Variants in SPATA22 observed in about 807,000 individuals in gnomAD.
SPATA22 encodes spermatogenesis-associated protein 22.
Under a neutral mutation model 47.8 loss-of-function variants are expected in SPATA22, and 29 were observed. That is an observed-to-expected ratio of 0.61 (90% CI 0.45 to 0.83). The LOEUF is 0.83. Among genes scored for constraint, SPATA22 ranks in the 40% least tolerant of loss-of-function variants. The pLI, the probability that SPATA22 is intolerant of heterozygous loss-of-function variation, is 0.00. For synonymous variants in SPATA22, 133 were observed against 140.9 expected (o/e 0.94, Z 0.40); for missense variants, 410 against 421.7 (o/e 0.97, Z 0.24).
At chr17:3,455,143 G>T (rs1429946617) in intron 5 of SPATA22, among the ~76,000 whole-genome samples, 3 of 130,456 alleles carry the variant, frequency 2.3e-5, no homozygotes, top group African/African-American at 7.4e-5. Context: ...TTTTTGATGG[G>T]GTTTTTTTTT....
At chr17:3,481,941 G>T (rs2073638844) in intron 1 of SPATA22, 2 of 767,050 alleles carry the variant, frequency 2.6e-6, no homozygotes, top group Non-Finnish European at 4.2e-6. Flanking sequence ...TGGTGGTTGG[G>T]GGGAAAGGGT....
rs76093397 is a variant in SPATA22 at position 3,453,370 on chromosome 17, C to T, written c.330-4221G>A. Among the ~76,000 whole-genome samples the T allele has an allele frequency of 1.4e-4, 21 of 152,142 alleles. No homozygotes were observed. The East Asian group carries it at 4.1e-3, about 29-fold the overall frequency. On this transcript the variant is annotated intron_variant, in intron 5 of 8. Coordinates refer to ENST00000572969, the MANE Select transcript of SPATA22 (RefSeq NM_001170698.2). ...GGATGCAAGGTTGGTTTAACATACGCAAATCAATCAATGTTATACACCACA... is the reference window on the plus strand; with the variant it reads ...GGATGCAAGGTTGGTTTAACATACGTAAATCAATCAATGTTATACACCACA...
intron 1 of SPATA22, chr17:3,499,096 T>C: frequency 6.2e-7 from 1 of 1,612,696 alleles, no homozygotes; most frequent in Non-Finnish European, 8.5e-7. Flanking sequence ...TAGAAATCAC[T>C]TCCAGCTTAC....
In SPATA22 at chr17:3,460,079, C is replaced by T. The variant is rs150000008; in HGVS notation, c.329+2404G>A. On this transcript the variant is annotated intron_variant, in intron 5 of 8. Transcript: ENST00000572969. ...ATTCTAAGTATTCCACACACAAGCA[C>T]GTTAGATAAATTCATGTATTTGTAA... is the stretch of plus-strand genomic sequence containing the variant. 6.3e-3 allele frequency among the ~76,000 whole-genome samples: 958 copies of T among 152,224 alleles called. 11 individuals carry two copies. Among genetic ancestry groups the T allele is most frequent in the African/African-American group, 0.021 (879 of 41,542 alleles).
At chr17:3,512,916 A>C (rs992824360) in intron 1 of SPATA22, 7 of 152,126 alleles carry the variant, frequency 4.6e-5, no homozygotes, top group African/African-American at 9.7e-5. Context: ...TTCCAAGATG[A>C]TATCGATCGA....
chr17:3,459,705 G>A (rs2073083768), intron 5 of SPATA22, among the ~76,000 whole-genome samples: 1 of 152,134 alleles, frequency 6.6e-6, no homozygotes, highest in Non-Finnish European at 1.5e-5. Context: ...ACTGCATCTG[G>A]CCCTAATTAA....
chr17:3,450,168 C>A (rs982237975), intron 5 of SPATA22, among the ~76,000 whole-genome samples: 1 of 152,082 alleles, frequency 6.6e-6, no homozygotes, highest in Admixed American at 6.6e-5. Context: ...ATTCTTAATT[C>A]TCAGTAATTT....
chr17:3,511,813 A>G (rs990298442), intron 1 of SPATA22: 1 of 152,248 alleles, frequency 6.6e-6, no homozygotes, highest in African/African-American at 2.4e-5. Flanking sequence ...GGCTTTATCC[A>G]TAACAGATAC....
At position 3,489,569 on chromosome 17, in the gene SPATA22, A is replaced by AAAAG. The variant is rs148871961; in HGVS notation, c.-73-20175_-73-20172dup. The stretch of plus-strand genomic sequence containing the variant: ...TCCTGCTAATCTCCATTTTAAAAAG[A>AAAAG]AAAGACGAGAAAATACAAATGCCCA... On this transcript the variant is annotated intron_variant, in intron 1 of 8. Coordinates refer to the SPATA22 transcript ENST00000541913. 0.08 allele frequency among the ~76,000 whole-genome samples: 12,119 copies of AAAAG among 152,242 alleles called. 1,006 individuals carry two copies. The highest frequency in any genetic ancestry group is 0.21 in the African/African-American group (8,675 of 41,474).
At chr17:3,468,832 T>A in intron 2 of SPATA22, 33 of 719,400 alleles carry the variant, frequency 4.6e-5, no homozygotes, top group Non-Finnish European at 5.1e-5. Context: ...AAATAATAGT[T>A]ACTATTATCT....
At chr17:3,479,633 C>T (rs1212094880) in intron 1 of SPATA22, among the ~76,000 whole-genome samples, 2 of 152,028 alleles carry the variant, frequency 1.3e-5, no homozygotes, top group South Asian at 4.1e-4. Context: ...TTCCACCTTC[C>T]CCCTGCACCG....
At chr17:3,471,236 G>A (rs577037056) in intron 1 of SPATA22, among the ~76,000 whole-genome samples, 1 of 152,184 alleles carries the variant, frequency 6.6e-6, no homozygotes, top group South Asian at 2.1e-4. Flanking sequence ...AATATTCTTG[G>A]CGCCATCCTA....
intron 5 of SPATA22, among the ~76,000 whole-genome samples, chr17:3,452,870 G>T (rs1434567483): frequency 1.3e-5 from 2 of 152,074 alleles, no homozygotes; most frequent in African/African-American, 2.4e-5. Context: ...CAATAATAAG[G>T]AGATTAACGA....
intron 1 of SPATA22, chr17:3,500,346 G>A (rs1270364218): frequency 6.6e-6 from 1 of 152,376 alleles, no homozygotes; most frequent in African/African-American, 2.4e-5. Flanking sequence ...TCTATTGGAA[G>A]AAGATGCTAT....
chr17:3,461,469 T>C (rs202192785), intron 5 of SPATA22, among the ~76,000 whole-genome samples: 2 of 152,318 alleles, frequency 1.3e-5, no homozygotes, highest in East Asian at 1.9e-4. Flanking sequence ...TACCTAATTA[T>C]CTGTCTAATG....
At chr17:3,446,947 G>C (rs775211299) in intron 6 of SPATA22, among the ~76,000 whole-genome samples, 3 of 152,100 alleles carry the variant, frequency 2.0e-5, no homozygotes, top group Non-Finnish European at 4.4e-5. Context: ...GGGGACTCTA[G>C]GGAAGGAGCC....
chr17:3,467,361 AT>A, intron 3 of SPATA22, 64 bp downstream of exon 3: 1 of 1,279,002 alleles, frequency 7.8e-7, no homozygotes, highest in Non-Finnish European at 1.1e-6. Context: ...TATAATATAA[AT>A]TACAATTTTC....
At chr17:3,491,272 T>C (rs1215475730) in intron 1 of SPATA22, among the ~76,000 whole-genome samples, 1 of 152,236 alleles carries the variant, frequency 6.6e-6, no homozygotes, top group Non-Finnish European at 1.5e-5. Context: ...CAAAGTTTTG[T>C]TCTTATGTTT....
At chr17:3,483,397 TTGA>T in intron 1 of SPATA22, 2 of 969,090 alleles carry the variant, frequency 2.1e-6, no homozygotes, top group Admixed American at 3.6e-5. Context: ...CCAATCTTAG[TTGA>T]TGAAGTAAAA....
Sources: gnomAD v4.1 joint callset for allele counts (sites outside exome capture counted in the v4.1 genomes callset) on GRCh38, gnomAD v4.1.1 for gene constraint, MANE v1.5 for transcripts, NCBI Gene and HGNC (gene_info 2026-07-23, HGNC 2026-07-21) for gene names.